The following TCF20 variants were observed in gnomAD, a reference collection of about 807,000 sequenced individuals.
TCF20 encodes SPRE-binding protein.
Under a neutral mutation model 148.6 loss-of-function variants are expected in TCF20, and 3 were observed. The ratio of observed to expected loss-of-function variants is 0.02; its 90% CI spans 0.01 to 0.05. The LOEUF (loss-of-function observed/expected upper bound fraction) is 0.05. Among genes scored for constraint, TCF20 ranks in the 10% least tolerant of loss-of-function variants. The pLI is 1.00. For missense variants in TCF20, 2,350 were observed against 2,429.3 expected, an observed-to-expected ratio of 0.97 and a Z score of 0.69; for synonymous variants, 1,049 against 909.5, an observed-to-expected ratio of 1.15 and a Z score of -2.76.
chr22:42,243,956 T>C (rs1924688958), intron 1 of TCF20, among the ~76,000 whole-genome samples: 1 of 152,034 alleles, frequency 6.6e-6, no homozygotes, highest in African/African-American at 2.4e-5. Flanking sequence ...CCCTCACATA[T>C]TGCTGGTGGG....
intron 2 of TCF20, among the ~76,000 whole-genome samples, chr22:42,182,482 G>C (rs781721579): frequency 2.0e-5 from 3 of 152,190 alleles, no homozygotes; most frequent in Non-Finnish European, 4.4e-5. Context: ...TTTACAAGAG[G>C]AAAGAGAAGA....
chr22:42,207,349 A>C (rs534760874), intron 2 of TCF20, among the ~76,000 whole-genome samples: 62 of 151,946 alleles, frequency 4.1e-4, no homozygotes, highest in Middle Eastern at 3.4e-3. Flanking sequence ...TTTCTCTGGA[A>C]CAAAAAAAAA....
chr22:42,258,332 C>T (rs545255813), intron 1 of TCF20, among the ~76,000 whole-genome samples: 9 of 152,240 alleles, frequency 5.9e-5, no homozygotes, highest in African/African-American at 1.7e-4. Flanking sequence ...CTGCCCCATG[C>T]GCAGCCTGCT....
intron 1 of TCF20, among the ~76,000 whole-genome samples, chr22:42,232,195 C>G (rs1454196207): frequency 6.6e-6 from 1 of 152,110 alleles, no homozygotes; most frequent in Non-Finnish European, 1.5e-5. Flanking sequence ...TTTACAATCT[C>G]CTACAGCATT....
intron 1 of TCF20, among the ~76,000 whole-genome samples, chr22:42,306,379 G>C (rs935050287): frequency 1.6e-4 from 25 of 152,274 alleles, no homozygotes; most frequent in Non-Finnish European, 2.9e-4. Context: ...GCCAGGAGCA[G>C]GTGGCAAGCA....
At chr22:42,186,811 G>C (rs1424144560) in intron 2 of TCF20, among the ~76,000 whole-genome samples, 7 of 152,162 alleles carry the variant, frequency 4.6e-5, no homozygotes, top group Non-Finnish European at 8.8e-5. Flanking sequence ...GCTTTCTAAA[G>C]CATTTTGCAT....
chr22:42,180,725 G>C (rs562391286), intron 2 of TCF20, among the ~76,000 whole-genome samples: 1 of 152,308 alleles, frequency 6.6e-6, no homozygotes, highest in East Asian at 1.9e-4. Flanking sequence ...GCCACGCTCA[G>C]ACTGAATGAT....
At chr22:42,267,056 G>A (rs1008884733) in intron 1 of TCF20, among the ~76,000 whole-genome samples, 4 of 151,556 alleles carry the variant, frequency 2.6e-5, no homozygotes, top group African/African-American at 9.7e-5. Context: ...GCTCACCTGA[G>A]GTCGAGTTTG....
chr22:42,191,450 A>G (rs1032092721), intron 2 of TCF20, among the ~76,000 whole-genome samples: 1 of 152,106 alleles, frequency 6.6e-6, no homozygotes, highest in Non-Finnish European at 1.5e-5. Flanking sequence ...CATCACGTCC[A>G]GCTAACTTTT....
chr22:42,233,611 C>T (rs1923623608), intron 1 of TCF20, among the ~76,000 whole-genome samples: 1 of 152,234 alleles, frequency 6.6e-6, no homozygotes, highest in African/African-American at 2.4e-5. Flanking sequence ...TCTATTTCCC[C>T]CACAGCGTGG....
intron 2 of TCF20, among the ~76,000 whole-genome samples, chr22:42,188,012 G>A (rs962530885): frequency 6.6e-6 from 1 of 151,986 alleles, no homozygotes; most frequent in Non-Finnish European, 1.5e-5. Flanking sequence ...CAGATTCTCA[G>A]GCCGGGCATG....
chr22:42,316,640 G>A (rs1601704295), intron 1 of TCF20, among the ~76,000 whole-genome samples: 1 of 128,678 alleles, frequency 7.8e-6, no homozygotes, highest in African/African-American at 3.4e-5. Flanking sequence ...GTTTCACCAT[G>A]TTGGCCAGGC....
At chr22:42,244,095 T>C (rs1027619238) in intron 1 of TCF20, among the ~76,000 whole-genome samples, 1 of 152,024 alleles carries the variant, frequency 6.6e-6, no homozygotes, top group African/African-American at 2.4e-5. Flanking sequence ...TCCCAGCTAT[T>C]TGGGAGGCTG....
intron 1 of TCF20, among the ~76,000 whole-genome samples, chr22:42,257,777 T>C (rs1214308574): frequency 1.3e-5 from 2 of 152,240 alleles, no homozygotes; most frequent in Admixed American, 6.5e-5. Context: ...CCCTCACTTC[T>C]ACCCCAGCCA....
At chr22:42,244,438 G>C (rs533068583) in intron 1 of TCF20, among the ~76,000 whole-genome samples, 2 of 152,236 alleles carry the variant, frequency 1.3e-5, no homozygotes, top group East Asian at 3.9e-4. Flanking sequence ...ACATAAAACT[G>C]AGTATGTATT....
chr22:42,272,068 G>C (rs1293437154), upstream of TCF20, among the ~76,000 whole-genome samples: 1 of 152,190 alleles, frequency 6.6e-6, no homozygotes, highest in Non-Finnish European at 1.5e-5. Flanking sequence ...TCACAAAGTG[G>C]GGGCTGGCTC....
intron 1 of TCF20, among the ~76,000 whole-genome samples, chr22:42,246,045 C>G (rs970864760): frequency 2.0e-5 from 3 of 152,196 alleles, no homozygotes; most frequent in Non-Finnish European, 4.4e-5. Flanking sequence ...TCAGTCGTTT[C>G]CCCATTTGGT....
At chr22:42,264,051 G>C (rs1027728688) in intron 1 of TCF20, among the ~76,000 whole-genome samples, 1 of 152,106 alleles carries the variant, frequency 6.6e-6, no homozygotes, top group Admixed American at 6.6e-5. Flanking sequence ...ATGGGAGAAG[G>C]CACGCTGGAT....
intron 1 of TCF20, among the ~76,000 whole-genome samples, chr22:42,230,531 A>C (rs1923304976): frequency 6.6e-6 from 1 of 152,144 alleles, no homozygotes; most frequent in African/African-American, 2.4e-5. Flanking sequence ...TATAAGTCCT[A>C]GCTACTCAGG....
Sources: gnomAD v4.1 joint callset for allele counts (sites outside exome capture counted in the v4.1 genomes callset) on GRCh38, gnomAD v4.1.1 for gene constraint, MANE v1.5 for transcripts, NCBI Gene and HGNC (gene_info 2026-07-23, HGNC 2026-07-21) for gene names.